KIAA0319L: variants seen among roughly 807,000 people sequenced by gnomAD.
KIAA0319L encodes KIAA0319 like, also known as dyslexia-associated protein KIAA0319-like protein.
KIAA0319L carries 55 observed loss-of-function variants against 120.1 expected under a neutral mutation model. That is an observed-to-expected ratio of 0.46 (90% CI 0.37 to 0.57). KIAA0319L has a LOEUF of 0.57. Among genes scored for constraint, KIAA0319L ranks in the 20% least tolerant of loss-of-function variants. KIAA0319L has a pLI of 0.00. For synonymous variants in KIAA0319L, 398 were observed against 471.9 expected (o/e 0.84, Z 2.03); for missense variants, 1,049 against 1,255.3 (o/e 0.84, Z 2.48).
At chr1:35,469,840 A>G (rs1015132529) in intron 6 of KIAA0319L, among the ~76,000 whole-genome samples, 3 of 152,036 alleles carry the variant, frequency 2.0e-5, no homozygotes, top group African/African-American at 7.2e-5. Flanking sequence ...TGTAGAATGA[A>G]TGACTAAATG....
rs757522421 is a variant in KIAA0319L, at chr1:35,538,590, CAAAAAAAAAAAAA to C, written c.142+15747_142+15759del. Among the ~76,000 whole-genome samples, 7 of 31,944 alleles carry C rather than the reference CAAAAAAAAAAAAA, an allele frequency of 2.2e-4. No individual in the cohort carries two copies. In the South Asian group the frequency reaches 5.9e-3, roughly 27 times the overall value. The allele number at this position is 31,944 out of a possible 152,430, so 21.0% of individuals were successfully genotyped here. A position where few individuals can be genotyped will look rare whatever the true frequency, so the allele number is the denominator to read the frequency against. ...TGGGCAACAGAGTGAAACTCTGTCT[CAAAAAAAAAAAAA>C]AAAAAAAAAAAAATGCAGTTAGCTT... On this transcript the variant is annotated intron_variant, in intron 2 of 20. Coordinates refer to ENST00000325722, the MANE Select transcript of KIAA0319L (RefSeq NM_024874.5).
intron 17 of KIAA0319L, 31 bp from the exon 18 acceptor site, chr1:35,443,059 A>G: frequency 6.2e-7 from 1 of 1,613,898 alleles, no homozygotes; most frequent in South Asian, 1.1e-5. Flanking sequence ...AAGAAAGTCA[A>G]CAAGACTCAG....
intron 17 of KIAA0319L, among the ~76,000 whole-genome samples, chr1:35,443,490 G>A (rs1641376724): frequency 6.6e-6 from 1 of 152,160 alleles, no homozygotes; most frequent in South Asian, 2.1e-4. Context: ...TGGATAACAT[G>A]ACGAAACCCC....
intron 3 of KIAA0319L, among the ~76,000 whole-genome samples, chr1:35,500,027 A>AT (rs1644947811): frequency 6.6e-6 from 1 of 152,160 alleles, no homozygotes; most frequent in Admixed American, 6.5e-5. Flanking sequence ...CCTCTAAGTC[A>AT]TTTATTTGTT....
At chr1:35,487,257 CT>C (rs879608734) in intron 3 of KIAA0319L, among the ~76,000 whole-genome samples, 375 of 142,556 alleles carry the variant, frequency 2.6e-3, no homozygotes, top group East Asian at 3.0e-3. Context: ...GTTCTCACAA[CT>C]TTTTTTTTTT....
At chr1:35,484,158 G>C (rs1644277123) in intron 3 of KIAA0319L, among the ~76,000 whole-genome samples, 2 of 152,150 alleles carry the variant, frequency 1.3e-5, no homozygotes, top group Non-Finnish European at 2.9e-5. Context: ...GGGGAGGGGA[G>C]GACATCATTA....
chr1:35,434,866 C>A lies in KIAA0319L; in HGVS notation c.*28G>T. On this transcript the variant is annotated 3_prime_UTR_variant, in exon 21 of 21. Transcript: ENST00000325722. ...AGGACTGGCCGGGCAGTGTGCTGGG[C>A]CCTGCCCTGAGGAGACAGACCAGGT... 3 of 1,600,912 alleles carry A rather than the reference C, an allele frequency of 1.9e-6. No homozygotes were observed. Among genetic ancestry groups the A allele is most frequent in the Non-Finnish European group, 2.6e-6 (3 of 1,172,464 alleles).
chr1:35,450,083 T>A (rs1641942072), intron 14 of KIAA0319L, 78 bp from the exon 15 acceptor site: 3 of 1,547,792 alleles, frequency 1.9e-6, no homozygotes, highest in Non-Finnish European at 2.7e-6. Flanking sequence ...GCTTTCACCA[T>A]AACTAGGCCC....
chr1:35,513,561 A>T (rs1196837596), intron 2 of KIAA0319L, among the ~76,000 whole-genome samples: 1 of 152,022 alleles, frequency 6.6e-6, no homozygotes, highest in African/African-American at 2.4e-5. Flanking sequence ...TGGCTGCATT[A>T]AGCTATGATA....
In KIAA0319L at chr1:35,454,677, C is replaced by T. The variant is rs1287482619; in HGVS notation, c.1657-192G>A. On this transcript the variant is annotated intron_variant, in intron 10 of 20. Coordinates refer to ENST00000325722, the MANE Select transcript of KIAA0319L (RefSeq NM_024874.5). ...GAGGCACCTTGCTAAGGGTTTCCCC[C>T]TTCAAGGAAACAACCCTCTCTGACA... is the stretch of plus-strand genomic sequence containing the variant. The T allele has an allele frequency of 3.7e-6, 5 of 1,359,964 alleles. No homozygotes were observed. In the African/African-American group the frequency reaches 5.8e-5, roughly 16 times the overall value. 84.2% of individuals were successfully genotyped at this position (1,359,964 alleles called of 1,614,324 possible). A position where few individuals can be genotyped will look rare whatever the true frequency, so the allele number is the denominator to read the frequency against.
At chr1:35,464,418 A>T (rs1041534922) in intron 7 of KIAA0319L, among the ~76,000 whole-genome samples, 2 of 152,188 alleles carry the variant, frequency 1.3e-5, no homozygotes, top group Non-Finnish European at 2.9e-5. Flanking sequence ...GGCCCTAGAG[A>T]TCTGCAGAAC....
intron 3 of KIAA0319L, among the ~76,000 whole-genome samples, chr1:35,494,915 G>A (rs944179088): frequency 6.6e-6 from 1 of 152,024 alleles, no homozygotes; most frequent in Non-Finnish European, 1.5e-5. Flanking sequence ...ATAAACATAC[G>A]CTTAACTGAT....
intron 12 of KIAA0319L, among the ~76,000 whole-genome samples, chr1:35,452,136 G>A (rs1272002226): frequency 6.6e-6 from 1 of 152,170 alleles, no homozygotes; most frequent in Non-Finnish European, 1.5e-5. Flanking sequence ...AGCATTTCTG[G>A]CCCAGTAGTT....
intron 3 of KIAA0319L, among the ~76,000 whole-genome samples, chr1:35,484,026 TA>T (rs1185149879): frequency 3.9e-5 from 6 of 152,158 alleles, no homozygotes; most frequent in Admixed American, 3.9e-4. Flanking sequence ...CACCAGTCAT[TA>T]TATTAAGGGC....
chr1:35,496,946 C>CAAAAAAAAAAA (rs1558484218), intron 3 of KIAA0319L, among the ~76,000 whole-genome samples: 1 of 64,372 alleles, frequency 1.6e-5, no homozygotes, highest in African/African-American at 1.2e-4. Flanking sequence ...GATTGTGTCT[C>CAAAAAAAAAAA]CAAAAAAAAA....
At chr1:35,539,075 T>C (rs561212921) in intron 2 of KIAA0319L, among the ~76,000 whole-genome samples, 1 of 152,262 alleles carries the variant, frequency 6.6e-6, no homozygotes, top group South Asian at 2.1e-4. Context: ...CTCTCTTTCT[T>C]TGACACACAC....
At chr1:35,482,321 A>C (rs940274108) in intron 3 of KIAA0319L, among the ~76,000 whole-genome samples, 1 of 152,020 alleles carries the variant, frequency 6.6e-6, no homozygotes, top group East Asian at 1.9e-4. Context: ...TTTCTGCTTT[A>C]TATTATATAC....
In KIAA0319L at chr1:35,506,776, C is replaced by T. The variant is rs373389519; in HGVS notation, c.502G>A (p.Ala168Thr). ...WASWRQSPPR[A>T]ALRPAVSSSD... ...GAAGATACAGCAGGTCTGAGTGCAG[C>T]TCTGGGTGGGCTCTGCCTCCAAGAT... The change falls in exon 3 of 21, where the codon GCT becomes ACT. Residue 168 changes from alanine to threonine, a missense_variant. Physicochemically the swap from Ala to Thr is moderately conservative, Grantham distance 58. Coordinates refer to ENST00000325722, the MANE Select transcript of KIAA0319L (RefSeq NM_024874.5). This position sits in a 1 kb window ranked among gnomAD's most constrained non-coding sequence, Gnocchi z 4.0. 1.7e-5 allele frequency: 27 copies of T among 1,614,086 alleles called. No individual in the cohort carries two copies. Among genetic ancestry groups the T allele is most frequent in the Non-Finnish European group, 2.0e-5 (24 of 1,180,040 alleles).
chr1:35,504,175 C>T (rs1288978773), intron 3 of KIAA0319L, among the ~76,000 whole-genome samples: 23 of 149,898 alleles, frequency 1.5e-4, no homozygotes, highest in African/African-American at 3.7e-4. Context: ...CATAAGCTGC[C>T]GTGCCCAGCC....
Sources: allele counts gnomAD v4.1 joint callset (sites outside exome capture counted in the v4.1 genomes callset), GRCh38; gene constraint gnomAD v4.1.1; non-coding constraint Gnocchi (gnomAD v3.1); transcripts MANE v1.5; gene names NCBI Gene and HGNC (gene_info 2026-07-23, HGNC 2026-07-21).